The following SLC39A11 variants were observed in gnomAD, a reference collection of about 807,000 sequenced individuals.
SLC39A11 encodes the protein solute carrier family 39 member 11.
Under a neutral mutation model 36.1 loss-of-function variants are expected in SLC39A11, and 33 were observed. The observed-to-expected ratio is 0.91, with a 90% CI of 0.69 to 1.22. SLC39A11 has a LOEUF of 1.22. Among genes scored for constraint, SLC39A11 ranks in the 50% most tolerant of loss-of-function variants. SLC39A11 has a pLI of 0.00. For missense variants in SLC39A11, 432 were observed against 430.3 expected (o/e 1.00, Z -0.03); for synonymous variants, 166 against 170.3 (o/e 0.97, Z 0.20).
At chr17:72,793,743 T>G (rs951126792) in intron 6 of SLC39A11, among the ~76,000 whole-genome samples, 1 of 152,214 alleles carries the variant, frequency 6.6e-6, no homozygotes, top group Non-Finnish European at 1.5e-5. Context: ...AAAATGCCTC[T>G]TGATGTGCAC....
chr17:72,822,833 G>C (rs1161132780), intron 6 of SLC39A11, among the ~76,000 whole-genome samples: 2 of 150,738 alleles, frequency 1.3e-5, no homozygotes, highest in Admixed American at 6.6e-5. Flanking sequence ...TCTCATCTCA[G>C]CCTCCCAAGT....
intron 4 of SLC39A11, among the ~76,000 whole-genome samples, chr17:72,994,665 C>T (rs886811429): frequency 1.6e-4 from 24 of 152,174 alleles, no homozygotes; most frequent in Non-Finnish European, 3.2e-4. Flanking sequence ...CAAACAGGAT[C>T]CAGCCTACTT....
At chr17:72,700,403 G>A (rs1003327560) in intron 7 of SLC39A11, among the ~76,000 whole-genome samples, 2 of 152,206 alleles carry the variant, frequency 1.3e-5, no homozygotes, top group Non-Finnish European at 2.9e-5. Flanking sequence ...AATGCCAGGA[G>A]GACATTTAAC....
intron 4 of SLC39A11, among the ~76,000 whole-genome samples, chr17:73,009,139 G>A (rs1051075937): frequency 5.9e-5 from 9 of 151,380 alleles, no homozygotes; most frequent in Admixed American, 1.3e-4. Flanking sequence ...CAAGGCGGGC[G>A]GATCACAAGG....
intron 4 of SLC39A11, among the ~76,000 whole-genome samples, chr17:72,966,915 T>C (rs1162656102): frequency 6.6e-6 from 1 of 152,168 alleles, no homozygotes; most frequent in East Asian, 1.9e-4. Context: ...AATTACTGCC[T>C]GAGCTCCACC....
chr17:72,804,250 A>G (rs1291497905), intron 6 of SLC39A11, among the ~76,000 whole-genome samples: 1 of 152,048 alleles, frequency 6.6e-6, no homozygotes, highest in Non-Finnish European at 1.5e-5. Context: ...CCAAGTCCCC[A>G]TTTGAATGCA....
intron 5 of SLC39A11, among the ~76,000 whole-genome samples, chr17:72,858,775 A>T (rs1416160202): frequency 6.6e-6 from 1 of 152,104 alleles, no homozygotes; most frequent in Non-Finnish European, 1.5e-5. Flanking sequence ...TTTGGTTCTC[A>T]GCTTGGCTAT....
chr17:72,885,117 T>C (rs1473778624), intron 5 of SLC39A11, among the ~76,000 whole-genome samples: 2 of 152,230 alleles, frequency 1.3e-5, no homozygotes, highest in Non-Finnish European at 2.9e-5. Flanking sequence ...TTGTAGGTTA[T>C]CGAAATGGAA....
chr17:73,044,222 G>A (rs749522446), intron 3 of SLC39A11, among the ~76,000 whole-genome samples: 8 of 151,892 alleles, frequency 5.3e-5, no homozygotes, highest in East Asian at 3.9e-4. Context: ...GAAAACATAC[G>A]TCCACACAAA....
intron 5 of SLC39A11, among the ~76,000 whole-genome samples, chr17:72,940,044 G>T (rs2085000331): frequency 6.6e-6 from 1 of 152,194 alleles, no homozygotes; most frequent in South Asian, 2.1e-4. Context: ...TCAGATTTGA[G>T]ATGCTCAATA....
chr17:72,884,538 A>G (rs1188881102), intron 5 of SLC39A11, among the ~76,000 whole-genome samples: 1 of 152,216 alleles, frequency 6.6e-6, no homozygotes, highest in Non-Finnish European at 1.5e-5. Flanking sequence ...CATTAAATTT[A>G]CCTGCGCTGT....
At chr17:72,748,523 T>A (rs1053482558) in intron 6 of SLC39A11, among the ~76,000 whole-genome samples, 7 of 152,282 alleles carry the variant, frequency 4.6e-5, no homozygotes, top group African/African-American at 1.4e-4. Flanking sequence ...AAAATGCTAT[T>A]CTCCAGTCAT....
intron 7 of SLC39A11, among the ~76,000 whole-genome samples, chr17:72,660,108 T>A (rs1447339386): frequency 6.6e-6 from 1 of 152,120 alleles, no homozygotes; most frequent in African/African-American, 2.4e-5. Flanking sequence ...CCATCTCCAC[T>A]CAAACCTCAA....
At chr17:73,072,681 C>T (rs1442484170) in intron 3 of SLC39A11, 1 of 152,170 alleles carries the variant, frequency 6.6e-6, no homozygotes. Flanking sequence ...CTTTGTCTTC[C>T]TCCCAGAGGA....
At chr17:73,008,654 T>A (rs2090329540) in intron 4 of SLC39A11, among the ~76,000 whole-genome samples, 2 of 152,196 alleles carry the variant, frequency 1.3e-5, no homozygotes, top group Non-Finnish European at 2.9e-5. Context: ...GCAGCACTAT[T>A]CACAGTAGCC....
At chr17:73,025,095 T>C (rs1408952134) in intron 4 of SLC39A11, among the ~76,000 whole-genome samples, 1 of 152,072 alleles carries the variant, frequency 6.6e-6, no homozygotes, top group Non-Finnish European at 1.5e-5. Flanking sequence ...GCCATCACAA[T>C]GAGAACTAAA....
At chr17:73,015,390 G>A (rs915232319) in intron 4 of SLC39A11, among the ~76,000 whole-genome samples, 6 of 152,038 alleles carry the variant, frequency 3.9e-5, no homozygotes, top group East Asian at 1.9e-4. Context: ...ACTGGATAAC[G>A]TCACGACCTA....
At chr17:73,016,831 G>A (rs1027794803) in intron 4 of SLC39A11, among the ~76,000 whole-genome samples, 7 of 152,206 alleles carry the variant, frequency 4.6e-5, no homozygotes, top group African/African-American at 1.7e-4. Flanking sequence ...ATCAGCCAGT[G>A]TCCTGGCTCT....
At chr17:72,773,568 T>A (rs978154865) in intron 6 of SLC39A11, among the ~76,000 whole-genome samples, 25 of 152,044 alleles carry the variant, frequency 1.6e-4, no homozygotes, top group African/African-American at 6.0e-4. Context: ...AAACCACTTT[T>A]TCTTTATGAA....
Sources: gnomAD v4.1 joint callset for allele counts (sites outside exome capture counted in the v4.1 genomes callset) on GRCh38, gnomAD v4.1.1 for gene constraint, MANE v1.5 for transcripts, NCBI Gene and HGNC (gene_info 2026-07-23, HGNC 2026-07-21) for gene names.